Variants in TRMT11 observed in about 807,000 individuals in gnomAD.
TRMT11 encodes tRNA methyltransferase 11, also known as tRNA (guanine(10)-N(2))-methyltransferase TRMT11.
Under a neutral mutation model 62.8 loss-of-function variants are expected in TRMT11, and 53 were observed. The ratio of observed to expected loss-of-function variants is 0.84; its 90% CI spans 0.68 to 1.06. TRMT11 has a LOEUF of 1.06. Ranked by LOEUF, TRMT11 falls within the 50% of genes least tolerant of loss-of-function variation. The pLI, the probability that TRMT11 is intolerant of heterozygous loss-of-function variation, is 0.00. For synonymous variants in TRMT11, 188 were observed against 190.3 expected (o/e 0.99, Z 0.10); for missense variants, 556 against 553.4 (o/e 1.00, Z -0.05).
At chr6:126,246,360 C>T in the TRMT11 span, among the ~76,000 whole-genome samples, 4 of 152,172 alleles carry the variant, frequency 2.6e-5, no homozygotes, top group African/African-American at 7.2e-5. Context: ...TTCTAGATCC[C>T]TTCAGCTCTC....
At chr6:126,090,098 C>G (rs571402085) in intron 17 of TRMT11, among the ~76,000 whole-genome samples, 252 of 152,282 alleles carry the variant, frequency 1.7e-3, no homozygotes, top group African/African-American at 5.7e-3. Context: ...AGACATCTTT[C>G]CCTTATTGAA....
chr6:126,056,337 A>G (rs1167808696), intron 17 of TRMT11, among the ~76,000 whole-genome samples: 21 of 152,188 alleles, frequency 1.4e-4, no homozygotes, highest in Admixed American at 1.4e-3. Flanking sequence ...GATGTTGCCC[A>G]AGAAGTCCTT....
chr6:126,046,849 A>G (rs1776075155), intron 16 of TRMT11, among the ~76,000 whole-genome samples: 1 of 152,198 alleles, frequency 6.6e-6, no homozygotes, highest in Admixed American at 6.5e-5. Flanking sequence ...GAAAAATGAC[A>G]TGTTATATGC....
At chr6:126,151,469 T>C (rs188549579) in intron 21 of TRMT11, among the ~76,000 whole-genome samples, 140 of 152,304 alleles carry the variant, frequency 9.2e-4, no homozygotes, top group Non-Finnish European at 2.6e-4. Flanking sequence ...CATTACTGAC[T>C]TTCTTCTACA....
intron 17 of TRMT11, among the ~76,000 whole-genome samples, chr6:126,091,914 T>A (rs544073472): frequency 6.6e-6 from 1 of 152,352 alleles, no homozygotes; most frequent in East Asian, 1.9e-4. Context: ...TTTTCTCAAA[T>A]TCTGACTTCC....
At chr6:126,182,197 G>A (rs534789195) in intron 1 of TRMT11, among the ~76,000 whole-genome samples, 39 of 152,268 alleles carry the variant, frequency 2.6e-4, no homozygotes, top group African/African-American at 9.4e-4. Context: ...CTACAAAAAG[G>A]ATGTAAAGAA....
chr6:126,160,462 CATGGAGACTAGAAGGAAGGCAG>C (rs1312727557), intron 21 of TRMT11, among the ~76,000 whole-genome samples: 1 of 151,902 alleles, frequency 6.6e-6, no homozygotes, highest in African/African-American at 2.4e-5. Context: ...TGCTCAAGTC[CATGGAGACTAGAAGGAAGGCAG>C]AGATGATTCT....
At chr6:126,102,303 C>T (rs1441970198) in intron 17 of TRMT11, among the ~76,000 whole-genome samples, 1 of 152,096 alleles carries the variant, frequency 6.6e-6, no homozygotes, top group Non-Finnish European at 1.5e-5. Flanking sequence ...GAAAAATTCG[C>T]CTGAAGCTGG....
chr6:126,140,770 T>C (rs776571350), intron 21 of TRMT11, among the ~76,000 whole-genome samples: 3 of 152,106 alleles, frequency 2.0e-5, no homozygotes, highest in African/African-American at 7.2e-5. Flanking sequence ...ATTTGTACTA[T>C]ATGCTGCTTT....
chr6:126,128,427 A>G (rs1468652192), intron 21 of TRMT11, among the ~76,000 whole-genome samples: 2 of 152,066 alleles, frequency 1.3e-5, no homozygotes, highest in Non-Finnish European at 2.9e-5. Context: ...ATTCTGCCTC[A>G]TTTCTTTCAC....
At chr6:126,023,908 A>G (rs1796183418) in intron 12 of TRMT11, among the ~76,000 whole-genome samples, 1 of 152,230 alleles carries the variant, frequency 6.6e-6, no homozygotes, top group Admixed American at 6.5e-5. Context: ...GTACGAATAC[A>G]GTTGTAATTT....
chr6:126,030,672 A>G (rs1774034567), intron 12 of TRMT11, among the ~76,000 whole-genome samples: 1 of 152,202 alleles, frequency 6.6e-6, no homozygotes, highest in African/African-American at 2.4e-5. Flanking sequence ...TTGAGACTAT[A>G]AATGACTTAA....
At chr6:126,154,327 GTGTGTGTGTGTA>G (rs1378708550) in intron 21 of TRMT11, among the ~76,000 whole-genome samples, 2 of 146,718 alleles carry the variant, frequency 1.4e-5, no homozygotes, top group African/African-American at 2.7e-5. Flanking sequence ...ATAAAGATAT[GTGTGTGTGTGTA>G]TGTGTGTGTG....
Position 126,031,089 on chromosome 6 carries a change from A to G in TRMT11, c.1261-7616A>G, listed in dbSNP as rs112718566. ...TGGGGCAAGGAGGTTGAGGAAATTC[A>G]TATCTGATAACTGCTGTTTGCTCTG... On this transcript the variant is annotated intron_variant, in intron 12 of 12. Coordinates refer to ENST00000334379, the MANE Select transcript of TRMT11 (RefSeq NM_001031712.3). 8.4e-3 allele frequency among the ~76,000 whole-genome samples: 1,286 copies of G among 152,242 alleles called. 13 individuals carry two copies. The highest frequency in any genetic ancestry group is 0.028 in the African/African-American group (1,184 of 41,552).
intron 11 of TRMT11, among the ~76,000 whole-genome samples, chr6:126,015,857 C>T (rs979622805): frequency 3.3e-5 from 5 of 152,082 alleles, no homozygotes; most frequent in African/African-American, 4.8e-5. Context: ...GACTCTCAAC[C>T]GGGGCCATCT....
chr6:126,151,842 C>G (rs141120899), intron 21 of TRMT11, among the ~76,000 whole-genome samples: 1 of 130,174 alleles, frequency 7.7e-6, no homozygotes, highest in South Asian at 2.5e-4. Flanking sequence ...TTCTTTCTTT[C>G]TTTCTTTCTT....
At chr6:126,047,980 C>T (rs1776108885) in intron 16 of TRMT11, among the ~76,000 whole-genome samples, 1 of 152,192 alleles carries the variant, frequency 6.6e-6, no homozygotes, top group Non-Finnish European at 1.5e-5. Flanking sequence ...ATGTAATAAT[C>T]ATTAATGCAA....
chr6:126,044,169 AG>A (rs1775977296), downstream of TRMT11, among the ~76,000 whole-genome samples: 2 of 151,994 alleles, frequency 1.3e-5, no homozygotes, highest in Admixed American at 6.6e-5. Context: ...GTTTTCTTCT[AG>A]GGTTTTTATG....
At chr6:126,112,756 C>T (rs908460522) in intron 17 of TRMT11, among the ~76,000 whole-genome samples, 1 of 152,090 alleles carries the variant, frequency 6.6e-6, no homozygotes, top group Non-Finnish European at 1.5e-5. Flanking sequence ...CCCTACAGAT[C>T]GTTAGTTGCC....
Sources: gnomAD v4.1 joint callset for allele counts (sites outside exome capture counted in the v4.1 genomes callset) on GRCh38, gnomAD v4.1.1 for gene constraint, MANE v1.5 for transcripts, NCBI Gene and HGNC (gene_info 2026-07-23, HGNC 2026-07-21) for gene names.